FBXO34: variants seen among roughly 807,000 people sequenced by gnomAD.
The protein encoded by FBXO34 is F-box only protein 34.
A neutral mutation model predicts 24.5 loss-of-function variants in FBXO34; 12 were observed. That is an observed-to-expected ratio of 0.49 (90% CI 0.31 to 0.79). FBXO34 has a LOEUF of 0.79. Ranked by LOEUF, FBXO34 falls within the 30% of genes least tolerant of loss-of-function variation. The pLI is 0.04. For missense variants in FBXO34, 823 were observed against 857.7 expected, an observed-to-expected ratio of 0.96 and a Z score of 0.51; for synonymous variants, 320 against 311.9, an observed-to-expected ratio of 1.03 and a Z score of -0.27.
intron 1 of FBXO34, among the ~76,000 whole-genome samples, chr14:55,307,821 A>G (rs565633600): frequency 2.6e-5 from 4 of 152,208 alleles, no homozygotes; most frequent in Non-Finnish European, 5.9e-5. Context: ...CTGACATTTA[A>G]TGACCTTCAT....
chr14:55,385,512 C>G, the FBXO34 span, among the ~76,000 whole-genome samples: 4 of 152,224 alleles, frequency 2.6e-5, no homozygotes, highest in Non-Finnish European at 4.4e-5. Flanking sequence ...AGGTTGGTCT[C>G]AAACTCCTGA....
At chr14:55,428,119 C>CTTTTTTTTTTTTTTTTTTTT in the FBXO34 span, among the ~76,000 whole-genome samples, 5 of 43,360 alleles carry the variant, frequency 1.2e-4, 2 homozygotes, top group Non-Finnish European at 1.9e-4. Context: ...CATGCCTTAT[C>CTTTTTTTTTTTTTTTTTTTT]TTTTTTTTTT....
At chr14:55,411,527 C>G in the FBXO34 span, 37 of 1,437,032 alleles carry the variant, frequency 2.6e-5, no homozygotes, top group Middle Eastern at 6.5e-4. Context: ...CGGGGAGCCC[C>G]AGGTTCCAGC....
At chr14:55,417,795 G>T in the FBXO34 span, among the ~76,000 whole-genome samples, 3 of 152,152 alleles carry the variant, frequency 2.0e-5, no homozygotes, top group African/African-American at 7.2e-5. Context: ...AATTTCTGGG[G>T]AATAAATACC....
At chr14:55,436,532 G>T in the FBXO34 span, 1 of 1,579,536 alleles carries the variant, frequency 6.3e-7, no homozygotes, top group Non-Finnish European at 8.7e-7. Flanking sequence ...TACCCAATGT[G>T]CTCAATTAAA....
the FBXO34 span, among the ~76,000 whole-genome samples, chr14:55,403,592 A>G: frequency 6.6e-6 from 1 of 152,198 alleles, no homozygotes; most frequent in African/African-American, 2.4e-5. Context: ...TGGGTTTTAA[A>G]AAGATAAAAG....
downstream of FBXO34, among the ~76,000 whole-genome samples, chr14:55,364,488 G>A (rs967610475): frequency 6.6e-6 from 1 of 151,934 alleles, no homozygotes; most frequent in Non-Finnish European, 1.5e-5. Flanking sequence ...GCAGTGGTAC[G>A]ATCTTGGATC....
At chr14:55,338,692 A>AG (rs1014330665) in intron 1 of FBXO34, among the ~76,000 whole-genome samples, 6 of 152,028 alleles carry the variant, frequency 3.9e-5, no homozygotes, top group Non-Finnish European at 5.9e-5. Flanking sequence ...GTGCATCACA[A>AG]GGTCAGGAGA....
intron 1 of FBXO34, among the ~76,000 whole-genome samples, chr14:55,334,181 A>G (rs1883692909): frequency 6.6e-6 from 1 of 152,038 alleles, no homozygotes; most frequent in East Asian, 1.9e-4. Flanking sequence ...CACCTTTTCC[A>G]CCGCTCATCT....
At chr14:55,420,789 G>A in the FBXO34 span, among the ~76,000 whole-genome samples, 1 of 152,106 alleles carries the variant, frequency 6.6e-6, no homozygotes, top group Non-Finnish European at 1.5e-5. Flanking sequence ...GTTGGGTGCG[G>A]TGGCTCACTC....
intron 1 of FBXO34, among the ~76,000 whole-genome samples, chr14:55,345,947 A>G (rs978690342): frequency 2.0e-5 from 3 of 152,202 alleles, no homozygotes; most frequent in African/African-American, 4.8e-5. Flanking sequence ...TTGAGGCTGC[A>G]GTGAGCCAAG....
At chr14:55,307,874 C>A (rs948991629) in intron 1 of FBXO34, among the ~76,000 whole-genome samples, 2 of 152,078 alleles carry the variant, frequency 1.3e-5, no homozygotes, top group African/African-American at 2.4e-5. Context: ...TTTACTGATT[C>A]AGAAATGGAG....
intron 1 of FBXO34, among the ~76,000 whole-genome samples, chr14:55,333,536 T>C (rs1014102307): frequency 6.6e-6 from 1 of 152,340 alleles, no homozygotes; most frequent in Admixed American, 6.5e-5. Flanking sequence ...CTTAAAAATA[T>C]ATAAAAACTG....
At chr14:55,434,958 C>A in the FBXO34 span, among the ~76,000 whole-genome samples, 14 of 152,050 alleles carry the variant, frequency 9.2e-5, no homozygotes, top group Admixed American at 8.5e-4. Context: ...CCTGGCAAAT[C>A]GTTAAAAGTT....
chr14:55,286,324 A>G (rs1881758738), intron 1 of FBXO34, among the ~76,000 whole-genome samples: 2 of 152,234 alleles, frequency 1.3e-5, no homozygotes, highest in Non-Finnish European at 2.9e-5. Context: ...AGAAAACCAT[A>G]TCAAGCCTTC....
At chr14:55,402,959 ATATAT>A in the FBXO34 span, among the ~76,000 whole-genome samples, 2 of 76,830 alleles carry the variant, frequency 2.6e-5, no homozygotes, top group Non-Finnish European at 5.6e-5. Context: ...ATATATATAT[ATATAT>A]ATATAAATAG....
the FBXO34 span, chr14:55,440,521 G>T: frequency 6.2e-7 from 1 of 1,609,106 alleles, no homozygotes; most frequent in East Asian, 2.2e-5. Context: ...CTCGGAACCC[G>T]CTCCGGCCAG....
At chr14:55,395,106 CT>C in the FBXO34 span, 1 of 497,176 alleles carries the variant, frequency 2.0e-6, no homozygotes, top group Non-Finnish European at 4.1e-6. Context: ...AAGATTTATC[CT>C]TTCCTGCTGC....
At chr14:55,316,966 A>G (rs76568490) in intron 1 of FBXO34, among the ~76,000 whole-genome samples, 2,213 of 152,328 alleles carry the variant, frequency 0.015, 63 homozygotes, top group African/African-American at 0.05. Context: ...GAAGCTCTGA[A>G]TATGCAAGTA....
Sources: gnomAD v4.1 joint callset for allele counts (sites outside exome capture counted in the v4.1 genomes callset) on GRCh38, gnomAD v4.1.1 for gene constraint, MANE v1.5 for transcripts, NCBI Gene and HGNC (gene_info 2026-07-23, HGNC 2026-07-21) for gene names.